OXR1: variants seen among roughly 807,000 people sequenced by gnomAD.
OXR1 encodes oxidation resistance protein 1.
Under a neutral mutation model 104.6 loss-of-function variants are expected in OXR1, and 41 were observed. The ratio of observed to expected loss-of-function variants is 0.39; its 90% CI spans 0.31 to 0.51. The LOEUF (loss-of-function observed/expected upper bound fraction) is 0.51. OXR1 is among the 20% of genes least tolerant of loss of function. The probability of loss-of-function intolerance (pLI) is 0.77; values close to 1 mark genes in which losing one functional copy is unlikely to be tolerated. For missense variants in OXR1, 955 were observed against 1,031.9 expected (o/e 0.93, Z 1.02); for synonymous variants, 348 against 348.4 (o/e 1.00, Z 0.01).
intron 2 of OXR1, among the ~76,000 whole-genome samples, chr8:106,379,537 C>CTTTTTTTTT (rs60855438): frequency 2.1e-3 from 225 of 108,358 alleles, no homozygotes; most frequent in Non-Finnish European, 2.6e-3. Context: ...TTCTTTCTTT[C>CTTTTTTTTT]TTTTTTTTTT....
chr8:106,720,373 A>T (rs1423841491), intron 11 of OXR1, among the ~76,000 whole-genome samples: 1 of 152,210 alleles, frequency 6.6e-6, no homozygotes, highest in East Asian at 1.9e-4. Context: ...GAAAACTAGT[A>T]TACCACCATG....
At chr8:106,363,965 C>A (rs1816358933) in intron 2 of OXR1, among the ~76,000 whole-genome samples, 1 of 151,748 alleles carries the variant, frequency 6.6e-6, no homozygotes, top group Non-Finnish European at 1.5e-5. Flanking sequence ...AGAAAAGGGT[C>A]CATTATGTAT....
At chr8:106,658,827 T>C (rs1483480969) in intron 3 of OXR1, among the ~76,000 whole-genome samples, 1 of 152,200 alleles carries the variant, frequency 6.6e-6, no homozygotes, top group Admixed American at 6.5e-5. Flanking sequence ...AGTGGCTTTG[T>C]ACCATTCTTT....
chr8:106,542,234 C>G (rs1815007500), intron 3 of OXR1, among the ~76,000 whole-genome samples: 1 of 152,148 alleles, frequency 6.6e-6, no homozygotes, highest in Non-Finnish European at 1.5e-5. Context: ...TAAGTTTATA[C>G]TTGGAGATTA....
intron 1 of OXR1, among the ~76,000 whole-genome samples, chr8:106,321,884 G>T (rs1265792120): frequency 6.6e-6 from 1 of 152,118 alleles, no homozygotes. Context: ...TAGTTTACTA[G>T]TTGAAAGATA....
intron 3 of OXR1, among the ~76,000 whole-genome samples, chr8:106,631,228 C>T (rs1369910813): frequency 6.6e-6 from 1 of 152,082 alleles, no homozygotes; most frequent in Non-Finnish European, 1.5e-5. Flanking sequence ...CCTTTATTTC[C>T]TTAATTTCCA....
intron 2 of OXR1, among the ~76,000 whole-genome samples, chr8:106,446,580 T>G (rs1409946157): frequency 1.3e-5 from 2 of 151,138 alleles, no homozygotes; most frequent in Non-Finnish European, 2.9e-5. Flanking sequence ...ATAGCATCAC[T>G]GCACTCCAGG....
chr8:106,542,260 T>C (rs1040792695), intron 3 of OXR1, among the ~76,000 whole-genome samples: 5 of 152,116 alleles, frequency 3.3e-5, no homozygotes, highest in Non-Finnish European at 7.4e-5. Context: ...AATATCAAAA[T>C]CCTAAAATGA....
intron 2 of OXR1, among the ~76,000 whole-genome samples, chr8:106,431,062 G>T (rs1819340716): frequency 6.6e-6 from 1 of 152,150 alleles, no homozygotes; most frequent in Non-Finnish European, 1.5e-5. Flanking sequence ...GACACTTGCT[G>T]TTGGAGCCCT....
intron 2 of OXR1, among the ~76,000 whole-genome samples, chr8:106,431,257 A>G (rs1819347529): frequency 6.6e-6 from 1 of 152,140 alleles, no homozygotes; most frequent in African/African-American, 2.4e-5. Context: ...AATTCATGAG[A>G]TTTAATGATG....
Position 106,692,777 on chromosome 8 carries a change from G to A in OXR1, c.575G>A (p.Gly192Asp), listed in dbSNP as rs540340584. Residue 192 changes from glycine (G) to aspartate (D), a missense_variant, in exon 7 of 17, where the codon GGT becomes GAT. Transcript: ENST00000517566. ...TEATPSSTFT[G>D]IRPARVVSST... ...GCAACTCCCTCATCTACTTTCACTG[G>A]TATTCGACCTGCACGAGTTGTATCT... The A allele has an allele frequency of 1.0e-5, 16 of 1,595,266 alleles. No homozygotes were observed. In the Admixed American group the frequency reaches 2.4e-4, roughly 24 times the overall value.
intron 3 of OXR1, among the ~76,000 whole-genome samples, chr8:106,551,952 A>G (rs1178964010): frequency 6.8e-6 from 1 of 147,358 alleles, no homozygotes; most frequent in African/African-American, 2.5e-5. Flanking sequence ...TCCCAGCTAC[A>G]TGGGAGGCTG....
At chr8:106,407,929 C>T (rs1309453271) in intron 2 of OXR1, among the ~76,000 whole-genome samples, 1 of 152,154 alleles carries the variant, frequency 6.6e-6, no homozygotes, top group African/African-American at 2.4e-5. Context: ...TGACCAGATT[C>T]CCCACTACGT....
At chr8:106,612,556 A>C (rs977523033) in intron 3 of OXR1, among the ~76,000 whole-genome samples, 10 of 152,084 alleles carry the variant, frequency 6.6e-5, no homozygotes, top group African/African-American at 2.4e-4. Context: ...TCCTTTCTGC[A>C]TCTCTTATGA....
At chr8:106,281,853 GA>G (rs1812303674) in intron 1 of OXR1, among the ~76,000 whole-genome samples, 1 of 145,570 alleles carries the variant, frequency 6.9e-6, no homozygotes, top group African/African-American at 2.5e-5. Context: ...GGAGTACTTA[GA>G]AGGGCTGATT....
intron 6 of OXR1, among the ~76,000 whole-genome samples, chr8:106,689,987 C>T (rs1035021726): frequency 6.6e-6 from 1 of 151,476 alleles, no homozygotes; most frequent in African/African-American, 2.4e-5. Flanking sequence ...CATAACCTCT[C>T]TTTTCTCTCT....
intron 2 of OXR1, among the ~76,000 whole-genome samples, chr8:106,503,281 C>T (rs909579013): frequency 6.6e-6 from 1 of 152,076 alleles, no homozygotes; most frequent in Non-Finnish European, 1.5e-5. Context: ...ACATCTGTAA[C>T]AGGAAGTTAA....
intron 2 of OXR1, among the ~76,000 whole-genome samples, chr8:106,416,687 C>T (rs1818693034): frequency 6.6e-6 from 1 of 152,000 alleles, no homozygotes; most frequent in African/African-American, 2.4e-5. Flanking sequence ...TGTCTGTATT[C>T]ATGGGAAAGA....
intron 3 of OXR1, among the ~76,000 whole-genome samples, chr8:106,599,092 G>A (rs1289068062): frequency 6.6e-6 from 1 of 152,152 alleles, no homozygotes; most frequent in Non-Finnish European, 1.5e-5. Flanking sequence ...CATTTAGTAG[G>A]CCTCATTTCA....
Sources: allele counts gnomAD v4.1 joint callset (sites outside exome capture counted in the v4.1 genomes callset), GRCh38; gene constraint gnomAD v4.1.1; transcripts MANE v1.5; gene names NCBI Gene and HGNC (gene_info 2026-07-23, HGNC 2026-07-21).